The following SEC61A1 variants were observed in gnomAD, a reference collection of about 807,000 sequenced individuals.
The protein encoded by SEC61A1 is protein transport protein Sec61 subunit alpha isoform 1.
Under a neutral mutation model 55.2 loss-of-function variants are expected in SEC61A1, and 15 were observed. The ratio of observed to expected loss-of-function variants is 0.27; its 90% CI spans 0.18 to 0.42. The LOEUF (loss-of-function observed/expected upper bound fraction) is 0.42. Ranked by LOEUF, SEC61A1 falls within the 10% of genes least tolerant of loss-of-function variation. SEC61A1 has a pLI of 1.00. For missense variants in SEC61A1, 284 were observed against 602.6 expected, an observed-to-expected ratio of 0.47 and a Z score of 5.53; for synonymous variants, 247 against 234.0, an observed-to-expected ratio of 1.06 and a Z score of -0.51.
intron 7 of SEC61A1, among the ~76,000 whole-genome samples, chr3:128,064,577 G>C (rs1339737728): frequency 6.6e-6 from 1 of 152,176 alleles, no homozygotes; most frequent in African/African-American, 2.4e-5. Flanking sequence ...AGGAGGAGAA[G>C]GTTGAGGCTG....
At chr3:128,052,332 G>C (rs1036390847), upstream of SEC61A1, 2 of 508,240 alleles carry the variant, frequency 3.9e-6, no homozygotes, top group Non-Finnish European at 5.1e-6. Context: ...GCGCGGCGAA[G>C]CGCGGCGGCC....
rs1409647838 is a variant in SEC61A1, at chr3:128,064,872, A to C, written c.617-5A>C. On this transcript the variant is annotated splice_polypyrimidine_tract_variant and splice_region_variant and intron_variant, in intron 7 of 11. Transcript: ENST00000243253. ...CTTCATATATGTCTCCTCCTCTGCC[A>C]ACAGGAATGGAATTTGAAGGTGCTA... 1 of 1,592,438 alleles carries C rather than the reference A, an allele frequency of 6.3e-7. No individual in the cohort carries two copies. The highest frequency in any genetic ancestry group is 1.1e-5 in the South Asian group (1 of 87,374).
Position 128,067,661 on chromosome 3 carries a change from A to G in SEC61A1, c.1167+49A>G, listed in dbSNP as rs72974047. On this transcript the variant is annotated intron_variant, in intron 10 of 11. Coordinates refer to ENST00000243253, the MANE Select transcript of SEC61A1 (RefSeq NM_013336.4). This position sits in a 1 kb window ranked among gnomAD's most constrained non-coding sequence, Gnocchi z 4.1. ...GAAGGGTGATGAAAGTGTGACTGGT[A>G]TAAGGGGTGTGGACTTGTCACCTCA... The G allele has an allele frequency of 1.7e-4, 246 of 1,439,398 alleles. 1 individual carries two copies. The African/African-American group carries it at 3.2e-3, about 18-fold the overall frequency. The allele number at this position is 1,439,398 out of a possible 1,614,324, so 89.2% of individuals were successfully genotyped here. A position where few individuals can be genotyped will look rare whatever the true frequency, so the allele number is the denominator to read the frequency against.
intron 4 of SEC61A1, among the ~76,000 whole-genome samples, 183 bp from the exon 5 acceptor site, chr3:128,056,526 G>A (rs1020246608): frequency 6.6e-6 from 1 of 152,246 alleles, no homozygotes; most frequent in African/African-American, 2.4e-5. Flanking sequence ...AGGCTGAACA[G>A]AATGAATTGA....
intron 7 of SEC61A1, among the ~76,000 whole-genome samples, chr3:128,064,607 C>G (rs1941906013): frequency 6.6e-6 from 1 of 152,094 alleles, no homozygotes; most frequent in Non-Finnish European, 1.5e-5. Context: ...GCAACCACAC[C>G]ACTGCACTCT....
intron 5 of SEC61A1, 47 bp from the exon 6 acceptor site, chr3:128,060,055 T>C: frequency 7.3e-7 from 1 of 1,367,716 alleles, no homozygotes; most frequent in South Asian, 1.2e-5. Flanking sequence ...TTTCTTTTGT[T>C]CTGTGTAGTG....
At chr3:128,057,059 G>A (rs1393882235) in intron 5 of SEC61A1, among the ~76,000 whole-genome samples, 3 of 151,848 alleles carry the variant, frequency 2.0e-5, no homozygotes, top group Non-Finnish European at 4.4e-5. Context: ...TCAGCTTCCC[G>A]AGTAGCTGGG....
chr3:128,054,656 C>G (rs1941745234), intron 2 of SEC61A1, among the ~76,000 whole-genome samples: 1 of 152,244 alleles, frequency 6.6e-6, no homozygotes, highest in Non-Finnish European at 1.5e-5. Context: ...TCACTTAATA[C>G]TGTCAGTCTC....
intron 11 of SEC61A1, 140 bp downstream of exon 11, chr3:128,068,199 T>C (rs976905238): frequency 1.5e-5 from 10 of 650,980 alleles, no homozygotes; most frequent in East Asian, 1.1e-4. Context: ...TTAAATGTTA[T>C]ATATTTATAA....
At chr3:128,060,776 T>G in intron 7 of SEC61A1, 115 bp downstream of exon 7, 1 of 1,115,172 alleles carries the variant, frequency 9.0e-7, no homozygotes. Flanking sequence ...AGTTTTAGGT[T>G]TATCTCTTCT....
intron 8 of SEC61A1, 93 bp downstream of exon 8, chr3:128,065,130 G>A: frequency 7.7e-7 from 1 of 1,299,222 alleles, no homozygotes; most frequent in Non-Finnish European, 1.1e-6. Flanking sequence ...GGGGTGCACT[G>A]TCATCATATT....
rs183490739 is a variant in SEC61A1, at chr3:128,067,859, A to C, written c.1168-124A>C. Reference sequence around the variant, plus strand: ...CATATGACTTCCTTGCGGCAGTTTTAAAGTTCTCTGTATGAATATTGTCAG... The same window carrying C: ...CATATGACTTCCTTGCGGCAGTTTTCAAGTTCTCTGTATGAATATTGTCAG... On this transcript the variant is annotated intron_variant, in intron 10 of 11. Coordinates refer to ENST00000243253, the MANE Select transcript of SEC61A1 (RefSeq NM_013336.4). This position sits in a 1 kb window ranked among gnomAD's most constrained non-coding sequence, Gnocchi z 4.1. 700 of 816,744 alleles carry C rather than the reference A, an allele frequency of 8.6e-4. No individual in the cohort carries two copies. Among genetic ancestry groups the C allele is most frequent in the Non-Finnish European group, 1.2e-3 (563 of 487,516 alleles). The allele number at this position is 816,744 out of a possible 1,614,324, so 50.6% of individuals were successfully genotyped here. A position where few individuals can be genotyped will look rare whatever the true frequency, so the allele number is the denominator to read the frequency against.
At chr3:128,056,271 G>T (rs1486909687) in intron 4 of SEC61A1, among the ~76,000 whole-genome samples, 1 of 152,176 alleles carries the variant, frequency 6.6e-6, no homozygotes, top group African/African-American at 2.4e-5. Flanking sequence ...TTCCAAATCA[G>T]TTGGAAGTGT....
upstream of SEC61A1, chr3:128,052,241 C>A (rs1941690911): frequency 3.1e-6 from 1 of 320,374 alleles, no homozygotes; most frequent in Non-Finnish European, 5.6e-6. Context: ...TCCCGGCGGG[C>A]CCCGCGCGCC....
In SEC61A1 at chr3:128,065,051, C is replaced by G. The variant is rs770409214; in HGVS notation, c.777+14C>G. 1 of 1,613,796 alleles carries G rather than the reference C, an allele frequency of 6.2e-7. No homozygotes were observed. Among genetic ancestry groups the G allele is most frequent in the East Asian group, 2.2e-5 (1 of 44,898 alleles). ...ATCTATTTCCAGGTGTGTCCAGATC[C>G]AACCCCAGGGAGTTTCCATGGTCTG... On this transcript the variant is annotated intron_variant, in intron 8 of 11. Transcript: ENST00000243253.
At chr3:128,063,006 C>G (rs1941872525) in intron 7 of SEC61A1, among the ~76,000 whole-genome samples, 1 of 152,160 alleles carries the variant, frequency 6.6e-6, no homozygotes, top group African/African-American at 2.4e-5. Context: ...AGAATTATTA[C>G]CTTTGGGTTA....
intron 5 of SEC61A1, 54 bp from the exon 6 acceptor site, chr3:128,060,044 GTTTC>G: frequency 7.9e-7 from 1 of 1,260,476 alleles, no homozygotes. Flanking sequence ...TTTCTTAATT[GTTTC>G]TTTTGTTCTG....
rs1022510927 is a variant in SEC61A1, at chr3:128,067,770, A to T, written c.1167+158A>T. On this transcript the variant is annotated intron_variant, in intron 10 of 11. Coordinates refer to ENST00000243253, the MANE Select transcript of SEC61A1 (RefSeq NM_013336.4). The surrounding 1 kb of genome is among the most constrained non-coding windows in gnomAD (Gnocchi z 4.1). Reference sequence around the variant, plus strand: ...AGAAGCTTTAAGGGCTGACAGATGGAGTCCAGCAGTAGATCAGCTGTGGGT... The same window carrying T: ...AGAAGCTTTAAGGGCTGACAGATGGTGTCCAGCAGTAGATCAGCTGTGGGT... 1.5e-6 allele frequency: 1 copy of T among 671,230 alleles called. No individual in the cohort carries two copies. Among genetic ancestry groups the T allele is most frequent in the Non-Finnish European group, 2.5e-6 (1 of 392,640 alleles). The allele number at this position is 671,230 out of a possible 1,614,324, so 41.6% of individuals were successfully genotyped here.
Position 128,069,932 on chromosome 3 carries a change from A to G in SEC61A1, c.*270A>G. 8.3e-6 allele frequency: 3 copies of G among 360,836 alleles called. No individual in the cohort carries two copies. The highest frequency in any genetic ancestry group is 9.4e-5 in the South Asian group (2 of 21,242). The allele number at this position is 360,836 out of a possible 1,614,324, so 22.4% of individuals were successfully genotyped here. A position where few individuals can be genotyped will look rare whatever the true frequency, so the allele number is the denominator to read the frequency against. ...GGTATAGGATTGTCCCCAAGTGTCC[A>G]TGTAACTTTTGTTTTAACCTTTGCA... On this transcript the variant is annotated 3_prime_UTR_variant, in exon 12 of 12. Transcript: ENST00000243253.
Sources: gnomAD v4.1 joint callset for allele counts (sites outside exome capture counted in the v4.1 genomes callset) on GRCh38, gnomAD v4.1.1 for gene constraint, Gnocchi (gnomAD v3.1) non-coding constraint, MANE v1.5 for transcripts, NCBI Gene and HGNC (gene_info 2026-07-23, HGNC 2026-07-21) for gene names.